Variants in TMEM19 observed in about 807,000 individuals in gnomAD.
TMEM19 encodes transmembrane protein 19.
In TMEM19, 21 loss-of-function variants were observed where a neutral mutation model predicts 33.6. The ratio of observed to expected loss-of-function variants is 0.62; its 90% CI spans 0.44 to 0.90. The LOEUF (loss-of-function observed/expected upper bound fraction) is 0.90, where lower values mean the gene tolerates loss of function less well. TMEM19 is among the 40% of genes least tolerant of loss of function. TMEM19 has a pLI of 0.00. For synonymous variants in TMEM19, 149 were observed against 147.5 expected (o/e 1.01, Z -0.07); for missense variants, 402 against 401.8 (o/e 1.00, Z 0.00).
In TMEM19 at chr12:71,698,925, G is replaced by A. The variant is rs1239324181; in HGVS notation, c.663G>A (p.Val221=). 4 of 1,614,024 alleles carry A rather than the reference G, an allele frequency of 2.5e-6. No individual in the cohort carries two copies. The highest frequency in any genetic ancestry group is 2.5e-6 in the Non-Finnish European group (3 of 1,180,018). The change falls in exon 5 of 6, where the codon GTG becomes GTA. Residue 221 remains valine (V), a synonymous_variant. Coordinates refer to ENST00000266673, the MANE Select transcript of TMEM19 (RefSeq NM_018279.4). ...GTACCAATGGAGGAGTTACAGTGGT[G>A]GGCCTTGTCTCCAGTCTCCTTGGTG... ...PVGTNGGVTV[V]GLVSSLLGGT...
chr12:71,695,275 G>A (rs1881851100), intron 2 of TMEM19, among the ~76,000 whole-genome samples: 1 of 152,168 alleles, frequency 6.6e-6, no homozygotes, highest in African/African-American at 2.4e-5. Flanking sequence ...AACATTAATT[G>A]CTTCATGTGG....
At chr12:71,700,685 A>T in intron 5 of TMEM19, 147 bp from the exon 6 acceptor site, 1 of 708,626 alleles carries the variant, frequency 1.4e-6, no homozygotes, top group Non-Finnish European at 2.1e-6. Context: ...TCTCCTTTGG[A>T]GGAAAAAGCC....
intron 4 of TMEM19, among the ~76,000 whole-genome samples, chr12:71,698,653 GAGAGAGAA>G (rs1881922244): frequency 7.7e-6 from 1 of 130,256 alleles, no homozygotes; most frequent in Non-Finnish European, 1.7e-5. Context: ...GAGAGAGAGA[GAGAGAGAA>G]GCAGAACCAA....
chr12:71,690,606 G>A (rs964622811), intron 2 of TMEM19, among the ~76,000 whole-genome samples: 6 of 152,144 alleles, frequency 3.9e-5, no homozygotes, highest in African/African-American at 1.4e-4. Flanking sequence ...ATATAAAACT[G>A]TTCAGGTAAT....
rs1296650243 is a variant in TMEM19 at position 71,697,482 on chromosome 12, T to G, written c.585T>G (p.Val195=). The G allele has an allele frequency of 9.4e-6, 15 of 1,597,362 alleles. No individual in the cohort carries two copies. The highest frequency in any genetic ancestry group is 3.3e-4 in the Middle Eastern group (2 of 6,062). The change falls in exon 4 of 6, where the codon GTT becomes GTG. Residue 195 remains valine, a synonymous_variant. Coordinates refer to ENST00000266673, the MANE Select transcript of TMEM19 (RefSeq NM_018279.4). ...GDTWASEVGP[V]LSKSSPRLIT... is the part of the protein sequence containing the mutation. ...CATGGGCTTCAGAAGTTGGCCCAGT[T>G]CTGAGTAAAAGTTCTCCAAGACTGA... is the stretch of plus-strand genomic sequence containing the variant.
rs975744570 is a variant in TMEM19, at chr12:71,704,978, T to G, written c.*3983T>G. Reference sequence around the variant, plus strand: ...AAGTTGTTTGACTCTAATCATTGTTTCTTTTAAGAATGACTGGAAGGTGAT... The same window carrying G: ...AAGTTGTTTGACTCTAATCATTGTTGCTTTTAAGAATGACTGGAAGGTGAT... On this transcript the variant is annotated 3_prime_UTR_variant, in exon 6 of 6. Coordinates refer to ENST00000266673, the MANE Select transcript of TMEM19 (RefSeq NM_018279.4). 1.3e-5 allele frequency: 2 copies of G among 152,246 alleles called. No individual in the cohort carries two copies. The allele number at this position is 152,246 out of a possible 1,614,324, so 9.4% of individuals were successfully genotyped here. A position where few individuals can be genotyped will look rare whatever the true frequency, so the allele number is the denominator to read the frequency against.
chr12:71,695,184 G>A (rs1052026734), intron 2 of TMEM19, among the ~76,000 whole-genome samples: 2 of 152,176 alleles, frequency 1.3e-5, no homozygotes, highest in Non-Finnish European at 2.9e-5. Context: ...AGTTCCAAGC[G>A]ATCTTTACAC....
At chr12:71,694,633 CT>C (rs1881840397) in intron 2 of TMEM19, among the ~76,000 whole-genome samples, 1 of 152,228 alleles carries the variant, frequency 6.6e-6, no homozygotes, top group Non-Finnish European at 1.5e-5. Context: ...AATTAGAAGG[CT>C]GCTTTGGTGA....
In TMEM19 at chr12:71,689,618, G is replaced by T; in HGVS notation, c.158G>T (p.Arg53Leu). ...AACTTACGACCTATTTCTCCGTGGC[G>T]TTGGCTGTTTTCTGTTGTTGTTCCT... ...YGNLRPISPW[R>L]WLFSVVVPVL... Residue 53 changes from arginine to leucine, a missense_variant, in exon 2 of 6, where the codon CGT becomes CTT. By Grantham distance (102) the Arg-to-Leu change is moderately radical. Transcript: ENST00000266673. 6.2e-7 allele frequency: 1 copy of T among 1,614,048 alleles called. No homozygotes were observed. The highest frequency in any genetic ancestry group is 2.2e-5 in the East Asian group (1 of 44,870).
Position 71,703,209 on chromosome 12 carries a change from A to AAAAAAAAAAAAAAAAAAAAAAAAAC in TMEM19, c.*2231_*2232insAAAAAAACAAAAAAAAAAAAAAAAA. On this transcript the variant is annotated 3_prime_UTR_variant, in exon 6 of 6. Transcript: ENST00000266673. ...TCTCAAAAAAAAAAAAAAAAAAAAAAAAAAAAAAAAAAAAAAAGAATATTC... is the reference window on the plus strand; with the variant it reads ...TCTCAAAAAAAAAAAAAAAAAAAAAAAAAAAAAAAAAAAAAAAAAAAAAACAAAAAAAAAAAAAAAAAGAATATTC... 1 of 126,272 alleles carries AAAAAAAAAAAAAAAAAAAAAAAAAC rather than the reference A, an allele frequency of 7.9e-6. No individual in the cohort carries two copies. Among genetic ancestry groups the AAAAAAAAAAAAAAAAAAAAAAAAAC allele is most frequent in the Non-Finnish European group, 1.7e-5 (1 of 57,694 alleles). The allele number at this position is 126,272 out of a possible 1,614,324, so 7.8% of individuals were successfully genotyped here.
rs1380211305 is a variant in TMEM19, at chr12:71,689,622, G to T, written c.162G>T (p.Trp54Cys). The change falls in exon 2 of 6, where the codon TGG becomes TGT. Residue 54 changes from tryptophan (W) to cysteine (C), a missense_variant. By Grantham distance (215) the Trp-to-Cys change is radical. Coordinates refer to ENST00000266673, the MANE Select transcript of TMEM19 (RefSeq NM_018279.4). ...TACGACCTATTTCTCCGTGGCGTTGGCTGTTTTCTGTTGTTGTTCCTGTTC... is the reference window on the plus strand; with the variant it reads ...TACGACCTATTTCTCCGTGGCGTTGTCTGTTTTCTGTTGTTGTTCCTGTTC... Reference protein sequence around the residue: ...GNLRPISPWRWLFSVVVPVLI... With the variant: ...GNLRPISPWRCLFSVVVPVLI... 8 of 1,613,914 alleles carry T rather than the reference G, an allele frequency of 5.0e-6. No individual in the cohort carries two copies. Among genetic ancestry groups the T allele is most frequent in the Non-Finnish European group, 6.8e-6 (8 of 1,180,000 alleles).
At chr12:71,687,958 G>C (rs1881721417) in intron 1 of TMEM19, among the ~76,000 whole-genome samples, 2 of 152,212 alleles carry the variant, frequency 1.3e-5, no homozygotes. Flanking sequence ...GGCTACAGAA[G>C]CTCTCAGTGC....
intron 1 of TMEM19, among the ~76,000 whole-genome samples, chr12:71,687,349 C>G (rs1322031756): frequency 4.6e-5 from 7 of 152,094 alleles, no homozygotes; most frequent in African/African-American, 1.7e-4. Context: ...GAGGCCGAGG[C>G]GGGCAAATAA....
intron 2 of TMEM19, among the ~76,000 whole-genome samples, chr12:71,695,241 CA>C (rs1881850348): frequency 6.6e-6 from 1 of 152,218 alleles, no homozygotes; most frequent in South Asian, 2.1e-4. Flanking sequence ...TTCATTTCCT[CA>C]ATCTGAAGCT....
chr12:71,691,146 A>G (rs1472539175), intron 2 of TMEM19, among the ~76,000 whole-genome samples: 2 of 152,192 alleles, frequency 1.3e-5, no homozygotes, highest in African/African-American at 4.8e-5. Context: ...AACTATTATT[A>G]TTAGGCAGAG....
chr12:71,687,663 C>A (rs1881717264), intron 1 of TMEM19, among the ~76,000 whole-genome samples: 1 of 152,142 alleles, frequency 6.6e-6, no homozygotes, highest in Admixed American at 6.5e-5. Context: ...AAGGACTTAT[C>A]TGCCATTTGG....
Position 71,699,008 on chromosome 12 carries a change from A to T in TMEM19, c.746A>T (p.Asp249Val). Residue 249 changes from aspartate to valine, a missense_variant, in exon 5 of 6, where the codon GAC (aspartate) becomes GTC (valine). Coordinates refer to ENST00000266673, the MANE Select transcript of TMEM19 (RefSeq NM_018279.4). ...CAGCTGATTTTTGTGAATGATTTAG[A>T]CATTTCTGCCCCGCAGTGGCCAATT... ...LTQLIFVNDL[D>V]ISAPQWPIIA... 1 of 1,614,018 alleles carries T rather than the reference A, an allele frequency of 6.2e-7. No individual in the cohort carries two copies. Among genetic ancestry groups the T allele is most frequent in the Non-Finnish European group, 8.5e-7 (1 of 1,180,004 alleles).
chr12:71,699,231 A>T, intron 5 of TMEM19, 122 bp downstream of exon 5: 1 of 1,005,448 alleles, frequency 9.9e-7, no homozygotes. Context: ...ACTAGAAATG[A>T]TAGGGCAAAG....
rs994397588 is a variant in TMEM19, at chr12:71,700,895, G to T, written c.911G>T (p.Gly304Val). 1.2e-6 allele frequency: 2 copies of T among 1,613,606 alleles called. No homozygotes were observed. The highest frequency in any genetic ancestry group is 1.7e-6 in the Non-Finnish European group (2 of 1,179,844). ...SPTNKARHIA[G>V]KPILDNNAVN... is the part of the protein sequence containing the mutation. ...ACAAATAAGGCAAGGCACATAGCAGGGAAACCCATTCTTGATAACAACGCA... is the reference window on the plus strand; with the variant it reads ...ACAAATAAGGCAAGGCACATAGCAGTGAAACCCATTCTTGATAACAACGCA... Residue 304 changes from glycine to valine, a missense_variant, in exon 6 of 6, where the codon GGG becomes GTG. Physicochemically the swap from Gly to Val is moderately radical, Grantham distance 109 (BLOSUM62 -3). Transcript: ENST00000266673.
Sources: gnomAD v4.1 joint callset for allele counts (sites outside exome capture counted in the v4.1 genomes callset) on GRCh38, gnomAD v4.1.1 for gene constraint, MANE v1.5 for transcripts, NCBI Gene and HGNC (gene_info 2026-07-23, HGNC 2026-07-21) for gene names.